The following UBE2H variants were observed in gnomAD, a reference collection of about 807,000 sequenced individuals.
UBE2H encodes ubiquitin-conjugating enzyme E2 H.
A neutral mutation model predicts 29.0 loss-of-function variants in UBE2H; 3 were observed. The ratio of observed to expected loss-of-function variants is 0.10; its 90% CI spans 0.05 to 0.27. The LOEUF is 0.27. Ranked by LOEUF, UBE2H falls within the 10% of genes least tolerant of loss-of-function variation. The pLI, the probability that UBE2H is intolerant of heterozygous loss-of-function variation, is 1.00. For synonymous variants in UBE2H, 69 were observed against 82.9 expected (o/e 0.83, Z 0.91); for missense variants, 68 against 228.2 (o/e 0.30, Z 4.52).
rs1251177635 is a variant in UBE2H, at chr7:129,839,345, C to CAAACA, written c.299-15_299-11dup. 6.2e-7 allele frequency: 1 copy of CAAACA among 1,612,410 alleles called. No individual in the cohort carries two copies. Among genetic ancestry groups the CAAACA allele is most frequent in the Non-Finnish European group, 8.5e-7 (1 of 1,179,380 alleles). Reference sequence around the variant, plus strand: ...AATATATTGGTAAGATCTGAAAAACCAAACAAACATGTCACACATGGGAAA... The same window carrying CAAACA: ...AATATATTGGTAAGATCTGAAAAACCAAACAAAACAAACATGTCACACATGGGAAA... On this transcript the variant is annotated splice_polypyrimidine_tract_variant and intron_variant, in intron 5 of 6. Transcript: ENST00000355621.
chr7:129,878,480 A>G (rs148047051), intron 3 of UBE2H, among the ~76,000 whole-genome samples: 9,666 of 151,970 alleles, frequency 0.064, 370 homozygotes, highest in Non-Finnish European at 0.092. Context: ...TCAGGAGATC[A>G]AGACCATCCT....
intron 1 of UBE2H, among the ~76,000 whole-genome samples, chr7:129,909,629 G>A (rs1806889402): frequency 6.6e-6 from 1 of 152,090 alleles, no homozygotes; most frequent in Non-Finnish European, 1.5e-5. Context: ...GCTGAGGTGG[G>A]AGGATCACTT....
chr7:129,857,869 C>T (rs543394626), intron 4 of UBE2H, among the ~76,000 whole-genome samples: 5 of 152,198 alleles, frequency 3.3e-5, no homozygotes, highest in Non-Finnish European at 5.9e-5. Context: ...AAGAAGGACA[C>T]CATCTTACTT....
chr7:129,935,755 A>G (rs897451494), intron 1 of UBE2H, among the ~76,000 whole-genome samples: 6 of 152,222 alleles, frequency 3.9e-5, no homozygotes, highest in African/African-American at 1.4e-4. Context: ...TTCACACAAC[A>G]AACATGACTA....
At chr7:129,877,702 T>C (rs1259377063) in intron 3 of UBE2H, among the ~76,000 whole-genome samples, 4 of 152,224 alleles carry the variant, frequency 2.6e-5, no homozygotes, top group Non-Finnish European at 4.4e-5. Context: ...TATTGCATCA[T>C]TAATTTAAGA....
At chr7:129,931,344 C>T (rs1041079872) in intron 1 of UBE2H, among the ~76,000 whole-genome samples, 8 of 151,026 alleles carry the variant, frequency 5.3e-5, no homozygotes, top group African/African-American at 1.5e-4. Context: ...GCTGAGATCA[C>T]GCCATGGCAC....
chr7:129,877,380 C>G (rs572362855), intron 3 of UBE2H, among the ~76,000 whole-genome samples: 1 of 152,156 alleles, frequency 6.6e-6, no homozygotes, highest in Non-Finnish European at 1.5e-5. Flanking sequence ...CTACACAACT[C>G]AAAAAGGAAT....
chr7:129,938,789 T>C (rs537769937), intron 1 of UBE2H, among the ~76,000 whole-genome samples: 1 of 151,774 alleles, frequency 6.6e-6, no homozygotes, highest in East Asian at 1.9e-4. Context: ...TTTGATGTTT[T>C]TGTTTTTTTG....
chr7:129,847,795 C>T (rs143457271), intron 5 of UBE2H, among the ~76,000 whole-genome samples: 3 of 152,338 alleles, frequency 2.0e-5, no homozygotes, highest in Admixed American at 6.5e-5. Context: ...AACCCATTCC[C>T]TTCACCTAAT....
chr7:129,848,180 G>A (rs533350613), intron 5 of UBE2H, among the ~76,000 whole-genome samples: 6 of 152,162 alleles, frequency 3.9e-5, no homozygotes, highest in African/African-American at 7.2e-5. Context: ...CCAAGATCAC[G>A]CTGCTGCACT....
chr7:129,938,316 G>A (rs1371860156), intron 1 of UBE2H, among the ~76,000 whole-genome samples: 1 of 148,106 alleles, frequency 6.8e-6, no homozygotes, highest in Non-Finnish European at 1.5e-5. Flanking sequence ...GGGGGATGAG[G>A]CGGGATTGCT....
chr7:129,950,694 T>G (rs1374037135), intron 1 of UBE2H, among the ~76,000 whole-genome samples: 1 of 152,166 alleles, frequency 6.6e-6, no homozygotes, highest in Non-Finnish European at 1.5e-5. Context: ...TGACAGTAAC[T>G]CTCAATTCAA....
chr7:129,868,585 T>G lies in UBE2H; in HGVS notation c.206-9644A>C, dbSNP rs568401880. On this transcript the variant is annotated intron_variant, in intron 3 of 6. Transcript: ENST00000355621. ...CTGGGCGACAGAGCGAGACTCCGTC[T>G]CAAAAAAAAAAAAAAAAAAAAAAAA... Among the ~76,000 whole-genome samples the G allele has an allele frequency of 2.6e-4, 5 of 19,494 alleles. No homozygotes were observed. The South Asian group carries it at 0.011, about 41-fold the overall frequency. 12.8% of individuals were successfully genotyped at this position (19,494 alleles called of 152,430 possible). A position where few individuals can be genotyped will look rare whatever the true frequency, so the allele number is the denominator to read the frequency against.
chr7:129,944,899 G>A (rs1337065440), intron 1 of UBE2H, among the ~76,000 whole-genome samples: 1 of 151,882 alleles, frequency 6.6e-6, no homozygotes, highest in Non-Finnish European at 1.5e-5. Context: ...AGCATTAAGA[G>A]GTGAATGCAT....
At chr7:129,864,073 C>T (rs1012615963) in intron 3 of UBE2H, among the ~76,000 whole-genome samples, 1 of 152,168 alleles carries the variant, frequency 6.6e-6, no homozygotes, top group Non-Finnish European at 1.5e-5. Context: ...GAATTACAGG[C>T]GTGAGCCACT....
Position 129,834,696 on chromosome 7 carries a change from T to A in UBE2H, c.*241A>T, listed in dbSNP as rs770446559. On this transcript the variant is annotated 3_prime_UTR_variant, in exon 7 of 7. Coordinates refer to ENST00000355621, the MANE Select transcript of UBE2H (RefSeq NM_003344.4). ...TTGGCCACATGGACTCATGAATGCA[T>A]GCATTCAGACCGCATATTGCTACCA... 1.0e-5 allele frequency: 4 copies of A among 396,674 alleles called. No individual in the cohort carries two copies. The allele number at this position is 396,674 out of a possible 1,614,324, so 24.6% of individuals were successfully genotyped here.
intron 1 of UBE2H, chr7:129,951,263 A>G (rs1312852844): frequency 6.6e-6 from 1 of 152,264 alleles, no homozygotes; most frequent in Non-Finnish European, 1.5e-5. Flanking sequence ...TAAAAGGAAG[A>G]AAAAAGGTAT....
chr7:129,923,876 A>C (rs980641951), intron 1 of UBE2H, among the ~76,000 whole-genome samples: 1 of 152,200 alleles, frequency 6.6e-6, no homozygotes, highest in African/African-American at 2.4e-5. Context: ...CTCTCACTCC[A>C]CAGGATAGAA....
rs572097139 is a variant in UBE2H at position 129,926,031 on chromosome 7, A to G, written c.53+26472T>C. ...ATATAAAATAACCTCAAAACAAATT[A>G]TAAGTATTTCCTTCCTTTTTCGGTT... On this transcript the variant is annotated intron_variant, in intron 1 of 6. Coordinates refer to ENST00000355621, the MANE Select transcript of UBE2H (RefSeq NM_003344.4). Among the ~76,000 whole-genome samples, 107 of 134,340 alleles carry G rather than the reference A, an allele frequency of 8.0e-4. No individual in the cohort carries two copies. The East Asian group carries it at 0.021, about 26-fold the overall frequency. The allele number at this position is 134,340 out of a possible 152,430, so 88.1% of individuals were successfully genotyped here.
Sources: gnomAD v4.1 joint callset for allele counts (sites outside exome capture counted in the v4.1 genomes callset) on GRCh38, gnomAD v4.1.1 for gene constraint, MANE v1.5 for transcripts, NCBI Gene and HGNC (gene_info 2026-07-23, HGNC 2026-07-21) for gene names.